Variants in CTSL observed in about 807,000 individuals in gnomAD.
The protein encoded by CTSL is cathepsin L.
CTSL carries 23 observed loss-of-function variants against 34.7 expected under a neutral mutation model. The observed-to-expected ratio is 0.66, with a 90% confidence interval of 0.48 to 0.94. CTSL has a LOEUF of 0.94. CTSL is among the 40% of genes least tolerant of loss of function. The pLI is 0.00. For synonymous variants in CTSL, 129 were observed against 136.7 expected, an observed-to-expected ratio of 0.94 and a Z score of 0.39; for missense variants, 361 against 406.3, an observed-to-expected ratio of 0.89 and a Z score of 0.96.
chr9:87,730,881 C>T (rs1206877626), intron 7 of CTSL, 127 bp from the exon 8 acceptor site: 4 of 689,896 alleles, frequency 5.8e-6, no homozygotes, highest in Admixed American at 5.8e-5. Flanking sequence ...TAAACAGGAA[C>T]ATTGCCTGTC....
chr9:87,728,709 G>A lies in CTSL; in HGVS notation c.521G>A (p.Gly174Asp), dbSNP rs1161549816. 1.2e-6 allele frequency: 2 copies of A among 1,614,038 alleles called. No individual in the cohort carries two copies. Among genetic ancestry groups the A allele is most frequent in the Non-Finnish European group, 1.7e-6 (2 of 1,180,026 alleles). ...CTGGTAGACTGCTCTGGGCCTCAAG[G>A]CAATGAAGGCTGCAATGGTGGCCTA... Reference protein sequence around the residue: ...QNLVDCSGPQGNEGCNGGLMD... With the variant: ...QNLVDCSGPQDNEGCNGGLMD... The change falls in exon 5 of 8, where the codon GGC becomes GAC. Residue 174 changes from glycine to aspartate, a missense_variant. Physicochemically the swap from Gly to Asp is moderately conservative, Grantham distance 94 (BLOSUM62 -1). Transcript: ENST00000343150.
In CTSL at chr9:87,728,057, G is replaced by T. The variant is rs1554710079; in HGVS notation, c.157G>T (p.Glu53Ter). ...AGAAGGATGGAGGAGAGCAGTGTGG[G>T]AGAAGAACATGAAGATGATTGAACT... ...NEEGWRRAVW[E>*]KNMKMIELHN... is the part of the protein sequence containing the mutation. The change falls in exon 3 of 8, where the codon GAG becomes TAG. Residue 53 changes from glutamate (E) to a stop codon, truncating the protein, a stop_gained. Coordinates refer to ENST00000343150, the MANE Select transcript of CTSL (RefSeq NM_001912.5). LOFTEE classifies it high-confidence loss of function. 1.2e-5 allele frequency: 19 copies of T among 1,613,902 alleles called. No homozygotes were observed. The South Asian group carries it at 2.1e-4, about 18-fold the overall frequency.
At position 87,729,557 on chromosome 9, in the gene CTSL, C is replaced by T. The variant is rs1305256227; in HGVS notation, c.622-16C>T. 1.9e-6 allele frequency: 3 copies of T among 1,606,014 alleles called. No individual in the cohort carries two copies. The highest frequency in any genetic ancestry group is 1.7e-5 in the Admixed American group (1 of 58,160). On this transcript the variant is annotated splice_polypyrimidine_tract_variant and intron_variant, in intron 5 of 7. Transcript: ENST00000343150. ...CAGCAGTAATCAAGTCTTTTTTTTC[C>T]CTTTACCTTTGAAAGGAAGAATCCT...
intron 6 of CTSL, 130 bp downstream of exon 6, chr9:87,729,865 C>G (rs1250335577): frequency 2.5e-6 from 2 of 800,388 alleles, no homozygotes; most frequent in African/African-American, 3.5e-5. Flanking sequence ...GTTGTTCATT[C>G]TGTACATGCA....
rs1163549004 is a variant in CTSL, at chr9:87,727,746, C to T, written c.126+17C>T. 6.2e-7 allele frequency: 1 copy of T among 1,613,866 alleles called. No homozygotes were observed. Among genetic ancestry groups the T allele is most frequent in the South Asian group, 1.1e-5 (1 of 90,994 alleles). On this transcript the variant is annotated intron_variant, in intron 2 of 7. Transcript: ENST00000343150. ...TACGGCATGGTTAGTGAAACTTCCC[C>T]AGAAAGAATAGTCCTGGCTGTTGAG...
intron 6 of CTSL, among the ~76,000 whole-genome samples, chr9:87,730,165 A>C (rs1323342151): frequency 6.6e-6 from 1 of 152,146 alleles, no homozygotes; most frequent in Non-Finnish European, 1.5e-5. Context: ...CCTCTAGGAA[A>C]GCTTTTTTTT....
chr9:87,727,041 A>AAAATAAAT (rs71507737), intron 1 of CTSL, among the ~76,000 whole-genome samples: 7,502 of 144,802 alleles, frequency 0.052, 245 homozygotes, highest in East Asian at 0.09. Flanking sequence ...TCCATCTCAA[A>AAAATAAAT]AAATAAATAA....
At chr9:87,730,109 A>G (rs1252248065) in intron 6 of CTSL, among the ~76,000 whole-genome samples, 3 of 152,108 alleles carry the variant, frequency 2.0e-5, no homozygotes, top group African/African-American at 7.2e-5. Context: ...TTTTAGATTG[A>G]TATCCTAGAG....
chr9:87,731,408 T>C lies in CTSL; in HGVS notation c.*301T>C. ...TTTCAAATGTAGTGGTGGGGCTTCTTTCTATTTTTGATGCACTGAATTTTT... is the reference window on the plus strand; with the variant it reads ...TTTCAAATGTAGTGGTGGGGCTTCTCTCTATTTTTGATGCACTGAATTTTT... On this transcript the variant is annotated 3_prime_UTR_variant, in exon 8 of 8. Transcript: ENST00000343150. The C allele has an allele frequency of 4.7e-6, 1 of 214,670 alleles. No homozygotes were observed. 13.3% of individuals were successfully genotyped at this position (214,670 alleles called of 1,614,324 possible).
intron 1 of CTSL, among the ~76,000 whole-genome samples, chr9:87,726,818 G>A (rs1456281584): frequency 6.6e-6 from 1 of 152,054 alleles, no homozygotes; most frequent in African/African-American, 2.4e-5. Flanking sequence ...TGAGGTGGGC[G>A]GATCACCTGA....
Position 87,728,903 on chromosome 9 carries a change from G to T in CTSL, c.621+94G>T, listed in dbSNP as rs943818511. ...TACCTTTTTCGGAATTCATATATTAGGGCTGGGTGGGGTGGCTCACGCCTG... is the reference window on the plus strand; with the variant it reads ...TACCTTTTTCGGAATTCATATATTATGGCTGGGTGGGGTGGCTCACGCCTG... On this transcript the variant is annotated intron_variant, in intron 5 of 7. Coordinates refer to ENST00000343150, the MANE Select transcript of CTSL (RefSeq NM_001912.5). The T allele has an allele frequency of 7.0e-6, 11 of 1,561,310 alleles. No homozygotes were observed. In the African/African-American group the frequency reaches 1.2e-4, roughly 17 times the overall value.
chr9:87,728,507 A>G, intron 4 of CTSL, 78 bp from the exon 5 acceptor site: 1 of 1,571,392 alleles, frequency 6.4e-7, no homozygotes, highest in Non-Finnish European at 8.6e-7. Flanking sequence ...TTTTAACAGT[A>G]TTCAGATGTG....
At chr9:87,727,833 C>T in intron 2 of CTSL, 104 bp downstream of exon 2, 1 of 1,462,822 alleles carries the variant, frequency 6.8e-7, no homozygotes, top group Non-Finnish European at 9.4e-7. Flanking sequence ...ATGTAATAAC[C>T]TAATGGCGTG....
Position 87,731,032 on chromosome 9 carries a change from T to G in CTSL, c.927T>G (p.Gly309=). The G allele has an allele frequency of 6.2e-7, 1 of 1,614,040 alleles. No homozygotes were observed. The highest frequency in any genetic ancestry group is 8.5e-7 in the Non-Finnish European group (1 of 1,179,958). ...GCTGGGGTGAAGAATGGGGCATGGG[T>G]GGCTACGTAAAGATGGCCAAAGACC... The part of the protein sequence containing the change: ...KNSWGEEWGM[G]GYVKMAKDRR... The change falls in exon 8 of 8, where the codon GGT becomes GGG. Residue 309 remains glycine, a synonymous_variant. Transcript: ENST00000343150.
At position 87,730,372 on chromosome 9, in the gene CTSL, C is replaced by T. The variant is rs1826210577; in HGVS notation, c.785-9C>T. The T allele has an allele frequency of 1.3e-6, 2 of 1,596,496 alleles. No homozygotes were observed. Among genetic ancestry groups the T allele is most frequent in the Non-Finnish European group, 8.5e-7 (1 of 1,170,436 alleles). On this transcript the variant is annotated splice_polypyrimidine_tract_variant and intron_variant, in intron 6 of 7. Transcript: ENST00000343150. ...GCTTCTCACCCCAGCCCTCATTTTACCATCCCAGGCATTTATTTTGAGCCA... is the reference window on the plus strand; with the variant it reads ...GCTTCTCACCCCAGCCCTCATTTTATCATCCCAGGCATTTATTTTGAGCCA...
intron 5 of CTSL, 48 bp downstream of exon 5, chr9:87,728,857 G>T (rs775431226): frequency 1.9e-6 from 3 of 1,613,410 alleles, no homozygotes; most frequent in South Asian, 1.1e-5. Flanking sequence ...TTGGAAGGTG[G>T]ACACTTTAAG....
In CTSL at chr9:87,727,352, C is replaced by T. The variant is rs560243105; in HGVS notation, c.-10-242C>T. On this transcript the variant is annotated intron_variant, in intron 1 of 7. Coordinates refer to ENST00000343150, the MANE Select transcript of CTSL (RefSeq NM_001912.5). ...ATAACCTAAATTGTCATCGCATAAA[C>T]TGTTTCAGCTCCTACAGCTCTGGAC... 2.2e-4 allele frequency among the ~76,000 whole-genome samples: 33 copies of T among 152,198 alleles called. No individual in the cohort carries two copies. The South Asian group carries it at 6.4e-3, about 30-fold the overall frequency.
At chr9:87,730,694 T>G (rs1826224340) in intron 7 of CTSL, among the ~76,000 whole-genome samples, 196 bp downstream of exon 7, 1 of 152,256 alleles carries the variant, frequency 6.6e-6, no homozygotes, top group Non-Finnish European at 1.5e-5. Context: ...GAATATAGTA[T>G]TTGTTCCATT....
rs1012990369 is a variant in CTSL at position 87,728,092 on chromosome 9, G to A, written c.192G>A (p.Gln64=). Residue 64 remains glutamine, a synonymous_variant, in exon 3 of 8, where the codon CAG becomes CAA. Coordinates refer to ENST00000343150, the MANE Select transcript of CTSL (RefSeq NM_001912.5). ...KNMKMIELHN[Q]EYREGKHSFT... is the part of the protein sequence containing the mutation. Reference sequence around the variant, plus strand: ...TGAAGATGATTGAACTGCACAATCAGGAATACAGGGAAGGGAAACACAGCT... The same window carrying A: ...TGAAGATGATTGAACTGCACAATCAAGAATACAGGGAAGGGAAACACAGCT... 2.5e-6 allele frequency: 4 copies of A among 1,614,078 alleles called. No homozygotes were observed. The highest frequency in any genetic ancestry group is 3.4e-6 in the Non-Finnish European group (4 of 1,179,944).
Sources: allele counts gnomAD v4.1 joint callset (sites outside exome capture counted in the v4.1 genomes callset), GRCh38; gene constraint gnomAD v4.1.1; transcripts MANE v1.5; gene names NCBI Gene and HGNC (gene_info 2026-07-23, HGNC 2026-07-21).